The following HEXB variants were observed in gnomAD, a reference collection of about 807,000 sequenced individuals.
HEXB encodes the protein hexosaminidase subunit beta.
HEXB carries 51 observed loss-of-function variants against 71.2 expected under a neutral mutation model. The observed-to-expected ratio is 0.72, with a 90% CI of 0.57 to 0.90. HEXB has a LOEUF of 0.90. Ranked by LOEUF, HEXB falls within the 40% of genes least tolerant of loss-of-function variation. HEXB has a pLI of 0.00. For missense variants in HEXB, 617 were observed against 677.0 expected, an observed-to-expected ratio of 0.91 and a Z score of 0.98; for synonymous variants, 266 against 249.3, an observed-to-expected ratio of 1.07 and a Z score of -0.63.
chr5:74,716,708 C>T (rs773384441), intron 9 of HEXB, 35 bp downstream of exon 9: 1 of 1,297,828 alleles, frequency 7.7e-7, no homozygotes, highest in Non-Finnish European at 1.1e-6. Context: ...TGTATTAATG[C>T]TTTTTGTAAA....
At chr5:74,720,405 T>C in intron 11 of HEXB, 23 bp from the exon 12 acceptor site, 1 of 1,508,226 alleles carries the variant, frequency 6.6e-7, no homozygotes, top group Non-Finnish European at 9.2e-7. Context: ...ACTTCTGAAC[T>C]TAATTCAATG....
intron 2 of HEXB, 21 bp from the exon 3 acceptor site, chr5:74,693,618 G>A: frequency 6.4e-7 from 1 of 1,567,320 alleles, no homozygotes; most frequent in Non-Finnish European, 8.8e-7. Flanking sequence ...GTGTGTGTGT[G>A]ATTTTAAATC....
In HEXB at chr5:74,720,505, A is replaced by G. The variant is rs1749804119; in HGVS notation, c.1495A>G (p.Thr499Ala). The change falls in exon 12 of 14, where the codon ACT becomes GCT. Residue 499 changes from threonine to alanine, a missense_variant. Thr to Ala is a moderately conservative substitution (Grantham distance 58). Coordinates refer to ENST00000261416, the MANE Select transcript of HEXB (RefSeq NM_000521.4). ...AGAATATGTGGATGCAACTAACCTC[A>G]CTCCAAGATTATGGTATGGGATTTA... ...WGEYVDATNL[T>A]PRLWPRASAV... 4 of 1,612,034 alleles carry G rather than the reference A, an allele frequency of 2.5e-6. No homozygotes were observed. The highest frequency in any genetic ancestry group is 1.1e-5 in the South Asian group (1 of 91,036).
intron 6 of HEXB, among the ~76,000 whole-genome samples, chr5:74,707,175 C>T (rs2112159867): frequency 6.6e-6 from 1 of 152,326 alleles, no homozygotes; most frequent in Admixed American, 6.5e-5. Flanking sequence ...GATACCCAGG[C>T]AAACAGGGTC....
At chr5:74,715,878 G>A (rs767576208) in intron 8 of HEXB, among the ~76,000 whole-genome samples, 188 bp downstream of exon 8, 14 of 151,922 alleles carry the variant, frequency 9.2e-5, no homozygotes, top group South Asian at 2.1e-4. Context: ...TTAGCTGGGC[G>A]TGGTGGTGGG....
intron 1 of HEXB, chr5:74,640,708 C>G (rs1747837029): frequency 6.6e-6 from 1 of 152,664 alleles, no homozygotes; most frequent in African/African-American, 2.4e-5. Context: ...CGCCTCCTCT[C>G]CGGCTGCCAG....
At chr5:74,664,454 C>CAG (rs1334546382) in intron 1 of HEXB, among the ~76,000 whole-genome samples, 202 of 86,468 alleles carry the variant, frequency 2.3e-3, no homozygotes, top group African/African-American at 8.6e-3. Flanking sequence ...AAAAAAAAAA[C>CAG]AGAGAGAGAG....
intron 1 of HEXB, among the ~76,000 whole-genome samples, chr5:74,650,891 A>G (rs1346799322): frequency 2.1e-5 from 3 of 142,038 alleles, no homozygotes; most frequent in African/African-American, 8.0e-5. Context: ...ACGCCACTGC[A>G]CTCCAGCCTG....
intron 1 of HEXB, among the ~76,000 whole-genome samples, chr5:74,679,013 C>A (rs1481949089): frequency 1.3e-5 from 2 of 152,180 alleles, no homozygotes; most frequent in African/African-American, 4.8e-5. Flanking sequence ...GAAATGGATA[C>A]TCATACACTG....
At chr5:74,681,598 C>T (rs1484398181), upstream of HEXB, among the ~76,000 whole-genome samples, 1 of 152,130 alleles carries the variant, frequency 6.6e-6, no homozygotes, top group African/African-American at 2.4e-5. Context: ...TAATATTGTT[C>T]CCGTGTTATA....
At chr5:74,645,166 G>T (rs889282832) in intron 1 of HEXB, among the ~76,000 whole-genome samples, 1 of 89,004 alleles carries the variant, frequency 1.1e-5, no homozygotes, top group African/African-American at 3.5e-5. Context: ...GTCACCTTAT[G>T]TGTATTTTGT....
In HEXB at chr5:74,653,974, C is replaced by CA. The variant is rs1298621554; in HGVS notation, c.-377+13424dup. ...ATGCCAAACATCTCAATTTCCCATG[C>CA]AAAAAAAAGATCAAGGTGTCACTTA... On this transcript the variant is annotated intron_variant, in intron 1 of 13. Coordinates refer to the HEXB transcript ENST00000511181. Among the ~76,000 whole-genome samples, 7 of 151,460 alleles carry CA rather than the reference C, an allele frequency of 4.6e-5. No homozygotes were observed. In the East Asian group the frequency reaches 7.8e-4, roughly 17 times the overall value.
At chr5:74,708,998 A>G (rs1245803604) in intron 6 of HEXB, among the ~76,000 whole-genome samples, 1 of 152,156 alleles carries the variant, frequency 6.6e-6, no homozygotes, top group African/African-American at 2.4e-5. Context: ...CATTTTTTTC[A>G]GCACCACACC....
chr5:74,666,157 C>T (rs183074153), intron 1 of HEXB, among the ~76,000 whole-genome samples: 57 of 152,234 alleles, frequency 3.7e-4, no homozygotes, highest in African/African-American at 1.2e-3. Flanking sequence ...TCCAGGGGCT[C>T]GACTGCAAAC....
chr5:74,718,673 A>C, intron 10 of HEXB, 124 bp from the exon 11 acceptor site: 1 of 1,017,602 alleles, frequency 9.8e-7, no homozygotes. Flanking sequence ...AAGAGGAAAA[A>C]GAAAATGCAG....
At chr5:74,640,090 C>T (rs1238726486) in exon 1 of HEXB, 1 of 152,238 alleles carries the variant, frequency 6.6e-6, no homozygotes, top group Admixed American at 6.5e-5. Flanking sequence ...GAGGGGAGGC[C>T]GGTCGACCTC....
rs750545435 is a variant in HEXB, at chr5:74,685,577, G to A, written c.299+18G>A. On this transcript the variant is annotated intron_variant, in intron 1 of 13. Transcript: ENST00000261416. ...TTTCGACGGTGAGCGCTCCCGGCCC[G>A]GCCGGGAGTTGTCCTGGGGGAGGGG... 2 of 1,532,942 alleles carry A rather than the reference G, an allele frequency of 1.3e-6. No individual in the cohort carries two copies. Among genetic ancestry groups the A allele is most frequent in the Admixed American group, 2.2e-5 (1 of 46,148 alleles). 95.0% of individuals were successfully genotyped at this position (1,532,942 alleles called of 1,614,324 possible). A position where few individuals can be genotyped will look rare whatever the true frequency, so the allele number is the denominator to read the frequency against.
intron 6 of HEXB, among the ~76,000 whole-genome samples, chr5:74,708,810 C>T (rs1403470674): frequency 6.6e-6 from 1 of 151,678 alleles, no homozygotes. Context: ...GAGTGACCTA[C>T]AAAGAGACTT....
intron 1 of HEXB, among the ~76,000 whole-genome samples, chr5:74,669,308 T>G (rs988608765): frequency 6.6e-6 from 1 of 152,206 alleles, no homozygotes; most frequent in South Asian, 2.1e-4. Flanking sequence ...TAACTATTTT[T>G]TTTTTCAGTT....
Sources: allele counts gnomAD v4.1 joint callset (sites outside exome capture counted in the v4.1 genomes callset), GRCh38; gene constraint gnomAD v4.1.1; transcripts MANE v1.5; gene names NCBI Gene and HGNC (gene_info 2026-07-23, HGNC 2026-07-21).